LRRC7: variants seen among roughly 807,000 people sequenced by gnomAD.
The protein encoded by LRRC7 is leucine-rich repeat-containing protein 7.
Under a neutral mutation model 175.7 loss-of-function variants are expected in LRRC7, and 23 were observed. The ratio of observed to expected loss-of-function variants is 0.13; its 90% confidence interval spans 0.09 to 0.19. The LOEUF (loss-of-function observed/expected upper bound fraction) is 0.19. Ranked by LOEUF, LRRC7 falls within the 10% of genes least tolerant of loss-of-function variation. LRRC7 has a pLI of 1.00. For synonymous variants in LRRC7, 685 were observed against 680.9 expected (o/e 1.01, Z -0.09); for missense variants, 1,354 against 1,904.7 (o/e 0.71, Z 5.38).
chr1:70,055,976 T>G (rs1300882044), intron 23 of LRRC7, among the ~76,000 whole-genome samples: 2 of 152,174 alleles, frequency 1.3e-5, no homozygotes, highest in Non-Finnish European at 2.9e-5. Flanking sequence ...GCTTCTAATG[T>G]GGTCAAGTGA....
intron 5 of LRRC7, among the ~76,000 whole-genome samples, chr1:69,830,589 T>C (rs989178718): frequency 6.6e-6 from 1 of 151,822 alleles, no homozygotes; most frequent in African/African-American, 2.4e-5. Context: ...AAATTTCCAA[T>C]ACTAGTACAA....
chr1:69,718,620 A>T (rs1666007859), intron 2 of LRRC7, among the ~76,000 whole-genome samples: 1 of 151,800 alleles, frequency 6.6e-6, no homozygotes, highest in Non-Finnish European at 1.5e-5. Flanking sequence ...AAAAACATGT[A>T]CTGAGTGAAA....
intron 2 of LRRC7, among the ~76,000 whole-genome samples, chr1:69,755,566 A>C (rs936562312): frequency 9.3e-5 from 14 of 151,324 alleles, no homozygotes; most frequent in African/African-American, 3.4e-4. Context: ...ATATACATAC[A>C]TATATATATA....
chr1:69,966,770 A>T (rs1324540880), intron 8 of LRRC7, among the ~76,000 whole-genome samples: 1 of 152,234 alleles, frequency 6.6e-6, no homozygotes, highest in East Asian at 1.9e-4. Context: ...GAGCTGAGTC[A>T]ATTTAGAGAG....
intron 1 of LRRC7, among the ~76,000 whole-genome samples, chr1:69,676,950 A>G (rs917978724): frequency 1.3e-5 from 2 of 151,790 alleles, no homozygotes; most frequent in Non-Finnish European, 2.9e-5. Context: ...TTCCCTTCTG[A>G]GTCTCCAGTG....
chr1:69,931,634 C>A, intron 8 of LRRC7, 64 bp downstream of exon 8: 2 of 1,320,332 alleles, frequency 1.5e-6, no homozygotes, highest in Non-Finnish European at 2.2e-6. Flanking sequence ...TTTGCTCTGT[C>A]TTTGTAAACC....
chr1:69,974,391 G>A (rs534424281), intron 8 of LRRC7, among the ~76,000 whole-genome samples: 1 of 152,242 alleles, frequency 6.6e-6, no homozygotes, highest in East Asian at 1.9e-4. Flanking sequence ...TTTGAGGTGT[G>A]AGATTCATAT....
chr1:69,654,330 G>A (rs1008444473), intron 1 of LRRC7, among the ~76,000 whole-genome samples: 2 of 151,924 alleles, frequency 1.3e-5, no homozygotes, highest in Non-Finnish European at 2.9e-5. Flanking sequence ...GAAACTATAC[G>A]TATAAAATGC....
At chr1:69,773,040 A>G (rs1415286933) in intron 3 of LRRC7, among the ~76,000 whole-genome samples, 1 of 152,208 alleles carries the variant, frequency 6.6e-6, no homozygotes, top group Non-Finnish European at 1.5e-5. Flanking sequence ...GAATATAAAC[A>G]TCTCTACTTA....
In LRRC7 at chr1:70,039,535, A is replaced by T; in HGVS notation, c.3711A>T (p.Pro1237=). 6.2e-7 allele frequency: 1 copy of T among 1,614,122 alleles called. No individual in the cohort carries two copies. The highest frequency in any genetic ancestry group is 8.5e-7 in the Non-Finnish European group (1 of 1,180,010). Residue 1237 remains proline, a synonymous_variant, in exon 21 of 27, where the codon CCA becomes CCT. Coordinates refer to ENST00000651989, the MANE Select transcript of LRRC7 (RefSeq NM_001370785.2). ...FPVKNLTQRR[P]LSARSYSTES... is the part of the protein sequence containing the mutation. ...TTAAAAACCTTACCCAAAGGAGGCC[A>T]TTGTCTGCGAGAAGCTACAGTACAG...
Position 69,986,400 on chromosome 1 carries a change from ATT to A in LRRC7, c.931+17_931+18del, listed in dbSNP as rs764159054. ...CTGATTCTATAGGTGAGAATATAAT[ATT>A]TTGTCACAAATATTTATGTCAAATA... On this transcript the variant is annotated intron_variant, in intron 10 of 26. Transcript: ENST00000651989. 6.3e-7 allele frequency: 1 copy of A among 1,597,388 alleles called. No individual in the cohort carries two copies. Among genetic ancestry groups the A allele is most frequent in the Non-Finnish European group, 8.5e-7 (1 of 1,172,806 alleles).
rs565564161 is a variant in LRRC7, at chr1:69,937,263, A to G, written c.711+5693A>G. The stretch of plus-strand genomic sequence containing the variant: ...ATTCCTGATTTTAATGGGAACACCT[A>G]TAATGTTTTGTCATTAATAATTGCT... On this transcript the variant is annotated intron_variant, in intron 8 of 26. Coordinates refer to ENST00000651989, the MANE Select transcript of LRRC7 (RefSeq NM_001370785.2). Among the ~76,000 whole-genome samples, 3 of 152,260 alleles carry G rather than the reference A, an allele frequency of 2.0e-5. No homozygotes were observed. The South Asian group carries it at 6.2e-4, about 32-fold the overall frequency.
chr1:69,986,874 T>G (rs773741347), intron 10 of LRRC7, among the ~76,000 whole-genome samples: 1 of 152,212 alleles, frequency 6.6e-6, no homozygotes, highest in Non-Finnish European at 1.5e-5. Context: ...TCACATGTCC[T>G]TAACATGTTA....
intron 5 of LRRC7, among the ~76,000 whole-genome samples, chr1:69,831,099 G>C (rs1017887710): frequency 6.6e-6 from 1 of 151,828 alleles, no homozygotes; most frequent in African/African-American, 2.4e-5. Flanking sequence ...GAGAGAAGCT[G>C]CATAGTTTTG....
intron 7 of LRRC7, chr1:69,873,460 A>G (rs763748264): frequency 5.6e-5 from 30 of 533,038 alleles, no homozygotes; most frequent in South Asian, 3.9e-4. Flanking sequence ...GATTTTTTTC[A>G]TCTTAGCATC....
intron 9 of LRRC7, among the ~76,000 whole-genome samples, chr1:69,981,388 A>C (rs1010928375): frequency 6.6e-6 from 1 of 152,212 alleles, no homozygotes; most frequent in African/African-American, 2.4e-5. Context: ...AGACCACATA[A>C]AGGAGAAAAT....
intron 1 of LRRC7, among the ~76,000 whole-genome samples, chr1:69,671,617 A>G (rs1293908231): frequency 2.6e-5 from 4 of 151,944 alleles, no homozygotes; most frequent in Non-Finnish European, 5.9e-5. Context: ...TTTCAAGTTT[A>G]CTTATGGCCT....
At position 70,125,766 on chromosome 1, in the gene LRRC7, T is replaced by C. The variant is rs1571390828; in HGVS notation, c.*3879T>C. On this transcript the variant is annotated 3_prime_UTR_variant, in exon 27 of 27. Coordinates refer to ENST00000651989, the MANE Select transcript of LRRC7 (RefSeq NM_001370785.2). ...GAGATCCCGCCACTGCACTCCAGCC[T>C]GGGCGACAGAGCGAGACTCCGTCTC... Among the ~76,000 whole-genome samples the C allele has an allele frequency of 9.0e-6, 1 of 110,636 alleles. No individual in the cohort carries two copies. Among genetic ancestry groups the C allele is most frequent in the African/African-American group, 3.7e-5 (1 of 26,888 alleles). The allele number at this position is 110,636 out of a possible 152,430, so 72.6% of individuals were successfully genotyped here.
At chr1:70,007,125 G>C (rs551600545) in intron 11 of LRRC7, among the ~76,000 whole-genome samples, 1 of 152,150 alleles carries the variant, frequency 6.6e-6, no homozygotes, top group Admixed American at 6.6e-5. Flanking sequence ...CAGAGGTCAG[G>C]GGGTGAGACC....
Sources: gnomAD v4.1 joint callset for allele counts (sites outside exome capture counted in the v4.1 genomes callset) on GRCh38, gnomAD v4.1.1 for gene constraint, MANE v1.5 for transcripts, NCBI Gene and HGNC (gene_info 2026-07-23, HGNC 2026-07-21) for gene names.